Variants in CNP observed in about 807,000 individuals in gnomAD.
CNP encodes the protein 2',3'-cyclic nucleotide 3' phosphodiesterase.
CNP carries 8 observed loss-of-function variants against 37.9 expected under a neutral mutation model. That is an observed-to-expected ratio of 0.21 (90% CI 0.12 to 0.38). CNP has a LOEUF of 0.38. Ranked by LOEUF, CNP falls within the 10% of genes least tolerant of loss-of-function variation. The pLI is 1.00. For missense variants in CNP, 457 were observed against 551.0 expected (o/e 0.83, Z 1.71); for synonymous variants, 237 against 238.3 (o/e 0.99, Z 0.05).
At chr17:41,971,620 GA>G (rs1228373231) in intron 2 of CNP, 1 of 265,060 alleles carries the variant, frequency 3.8e-6, no homozygotes, top group Non-Finnish European at 7.3e-6. Context: ...GGCTGGTCTT[GA>G]ATTCCTGACC....
At position 41,973,378 on chromosome 17, in the gene CNP, T is replaced by A. The variant is rs1219004828; in HGVS notation, c.817-97T>A. ...TCAGCTGTGCTCACTTCTGTTAGAC[T>A]TCCCCTTCTCTCCTCCAGGAGGGAC... On this transcript the variant is annotated intron_variant, in intron 3 of 3. Transcript: ENST00000393892. 4 of 1,172,776 alleles carry A rather than the reference T, an allele frequency of 3.4e-6. No individual in the cohort carries two copies. The Admixed American group carries it at 8.1e-5, about 24-fold the overall frequency. 72.6% of individuals were successfully genotyped at this position (1,172,776 alleles called of 1,614,324 possible). A position where few individuals can be genotyped will look rare whatever the true frequency, so the allele number is the denominator to read the frequency against.
chr17:41,974,285 T>C lies in CNP; in HGVS notation c.*361T>C. 5.8e-6 allele frequency: 1 copy of C among 171,850 alleles called. No individual in the cohort carries two copies. The highest frequency in any genetic ancestry group is 1.2e-5 in the Non-Finnish European group (1 of 81,676). The allele number at this position is 171,850 out of a possible 1,614,324, so 10.6% of individuals were successfully genotyped here. On this transcript the variant is annotated 3_prime_UTR_variant, in exon 4 of 4. Coordinates refer to ENST00000393892, the MANE Select transcript of CNP (RefSeq NM_033133.5). ...GCTGCTCTGCCCAGAGCTGGGTGAGTGGGGAGACACCTCAGAGCCCCGCAA... is the reference window on the plus strand; with the variant it reads ...GCTGCTCTGCCCAGAGCTGGGTGAGCGGGGAGACACCTCAGAGCCCCGCAA...
At position 41,975,256 on chromosome 17, in the gene CNP, C is replaced by T. The variant is rs1250320610; in HGVS notation, c.*1332C>T. The stretch of plus-strand genomic sequence containing the variant: ...GTGTATTAGGACTGGCTTTGTCCCA[C>T]AGCTTGGGGCCATCGGTCCTGTCTC... On this transcript the variant is annotated 3_prime_UTR_variant, in exon 4 of 4. Transcript: ENST00000393892. 2.0e-5 allele frequency: 3 copies of T among 152,720 alleles called. No individual in the cohort carries two copies. The highest frequency in any genetic ancestry group is 4.4e-5 in the Non-Finnish European group (3 of 68,090). 9.5% of individuals were successfully genotyped at this position (152,720 alleles called of 1,614,324 possible).
chr17:41,971,535 T>G, intron 2 of CNP: 1 of 183,982 alleles, frequency 5.4e-6, no homozygotes, highest in Non-Finnish European at 1.1e-5. Flanking sequence ...GTAGCTGGGA[T>G]TACAGGCGCC....
chr17:41,976,871 AAC>A lies in CNP; in HGVS notation c.*2951_*2952del, dbSNP rs2051096063. On this transcript the variant is annotated 3_prime_UTR_variant, in exon 4 of 4. Coordinates refer to ENST00000393892, the MANE Select transcript of CNP (RefSeq NM_033133.5). ...GTCTTCAAGGGCTGCTTCAAACTCA[AAC>A]ACAGAGAGAAACTCTATGGGTATCA... 1.4e-6 allele frequency: 2 copies of A among 1,439,930 alleles called. No homozygotes were observed. The highest frequency in any genetic ancestry group is 1.4e-5 in the African/African-American group (1 of 69,834). The allele number at this position is 1,439,930 out of a possible 1,614,324, so 89.2% of individuals were successfully genotyped here.
chr17:41,969,990 C>T lies in CNP; in HGVS notation c.676+1250C>T, dbSNP rs368656683. ...GAGAGCTTTTTTCTCAGCTCCTAAA[C>T]TTGAACTCTGCAGTGAACTGTGGTG... On this transcript the variant is annotated intron_variant, in intron 2 of 3. Transcript: ENST00000393892. 4.6e-5 allele frequency among the ~76,000 whole-genome samples: 7 copies of T among 152,356 alleles called. No homozygotes were observed. The South Asian group carries it at 8.3e-4, about 18-fold the overall frequency.
rs1279317470 is a variant in CNP, at chr17:41,974,003, CA to C, written c.*80del. On this transcript the variant is annotated 3_prime_UTR_variant, in exon 4 of 4. Transcript: ENST00000393892. Reference sequence around the variant, plus strand: ...CCTCTGTTTGATCCTTGTTTTGTGACATTTTTTTTTTTTTTTTTTTTACTCA... The same window carrying C: ...CCTCTGTTTGATCCTTGTTTTGTGACTTTTTTTTTTTTTTTTTTTTACTCA... The C allele has an allele frequency of 2.5e-4, 192 of 769,732 alleles. No individual in the cohort carries two copies. Among genetic ancestry groups the C allele is most frequent in the Admixed American group, 5.6e-4 (14 of 25,106 alleles). 47.7% of individuals were successfully genotyped at this position (769,732 alleles called of 1,614,324 possible). A position where few individuals can be genotyped will look rare whatever the true frequency, so the allele number is the denominator to read the frequency against.
At chr17:41,967,134 C>T (rs989684811) in intron 1 of CNP, 7 of 393,808 alleles carry the variant, frequency 1.8e-5, no homozygotes, top group Non-Finnish European at 2.6e-5. Context: ...GAAGCTGCTG[C>T]GCCTCTGGGA....
intron 3 of CNP, among the ~76,000 whole-genome samples, chr17:41,972,329 C>T (rs907094532): frequency 2.6e-5 from 4 of 152,100 alleles, no homozygotes; most frequent in African/African-American, 9.7e-5. Context: ...GGCTCCTGCT[C>T]TGGTCTCTCT....
At position 41,968,148 on chromosome 17, in the gene CNP, C is replaced by T; in HGVS notation, c.84C>T (p.Asp28=). Residue 28 remains aspartate (D), a synonymous_variant, in exon 2 of 4, where the codon GAC becomes GAT. Coordinates refer to ENST00000393892, the MANE Select transcript of CNP (RefSeq NM_033133.5). This position sits in a 1 kb window ranked among gnomAD's most constrained non-coding sequence, Gnocchi z 4.8. Reference sequence around the variant, plus strand: ...AGATGTCATCCTCAGGGGCCAAGGACAAGCCTGAGCTGCAGTTTCCCTTCC... The same window carrying T: ...AGATGTCATCCTCAGGGGCCAAGGATAAGCCTGAGCTGCAGTTTCCCTTCC... ...FRKMSSSGAK[D]KPELQFPFLQ... 6.2e-7 allele frequency: 1 copy of T among 1,614,264 alleles called. No homozygotes were observed. The highest frequency in any genetic ancestry group is 1.3e-5 in the African/African-American group (1 of 75,064).
In CNP at chr17:41,968,772, C is replaced by T; in HGVS notation, c.676+32C>T. On this transcript the variant is annotated intron_variant, in intron 2 of 3. Coordinates refer to ENST00000393892, the MANE Select transcript of CNP (RefSeq NM_033133.5). This position sits in a 1 kb window ranked among gnomAD's most constrained non-coding sequence, Gnocchi z 4.8. ...GGCAGGTTGGGGCCTTATAAGCCCACCTTGCTGGGCACAGGGTGCTGCGGG... is the reference window on the plus strand; with the variant it reads ...GGCAGGTTGGGGCCTTATAAGCCCATCTTGCTGGGCACAGGGTGCTGCGGG... 1 of 1,573,938 alleles carries T rather than the reference C, an allele frequency of 6.4e-7. No individual in the cohort carries two copies. The highest frequency in any genetic ancestry group is 8.6e-7 in the Non-Finnish European group (1 of 1,159,224).
At chr17:41,969,180 T>C (rs1363917661) in intron 2 of CNP, among the ~76,000 whole-genome samples, 9 of 152,100 alleles carry the variant, frequency 5.9e-5, no homozygotes, top group African/African-American at 1.9e-4. Context: ...AATAATCACA[T>C]GAAATTGTAA....
intron 3 of CNP, among the ~76,000 whole-genome samples, chr17:41,972,602 CA>C (rs1301781292): frequency 1.3e-5 from 2 of 152,142 alleles, no homozygotes; most frequent in East Asian, 3.9e-4. Context: ...TCCAAGTGTC[CA>C]CCCCCAAGCC....
Position 41,977,236 on chromosome 17 carries a change from TC to T in CNP, c.*3315del. 1 of 1,570,074 alleles carries T rather than the reference TC, an allele frequency of 6.4e-7. No homozygotes were observed. The highest frequency in any genetic ancestry group is 1.9e-5 in the Admixed American group (1 of 53,036). ...GTGTGTTGGCTTGTGATCTGGGAAC[TC>T]CCAAGAACAGCAGGCCCACCTACCT... On this transcript the variant is annotated 3_prime_UTR_variant, in exon 4 of 4. Coordinates refer to ENST00000393892, the MANE Select transcript of CNP (RefSeq NM_033133.5).
chr17:41,968,095 A>G lies in CNP; in HGVS notation c.31A>G (p.Thr11Ala), dbSNP rs782292316. The G allele has an allele frequency of 5.0e-6, 8 of 1,613,832 alleles. No individual in the cohort carries two copies. The East Asian group carries it at 1.8e-4, about 36-fold the overall frequency. ...CAGAGGCTTCTCCCGAAAAAGCCACACATTCCTGCCCAAGATCTTCTTCCG... is the reference window on the plus strand; with the variant it reads ...CAGAGGCTTCTCCCGAAAAAGCCACGCATTCCTGCCCAAGATCTTCTTCCG... The part of the protein sequence containing the change: MNRGFSRKSH[T>A]FLPKIFFRKM... The change falls in exon 2 of 4, where the codon ACA (threonine) becomes GCA (alanine). Residue 11 changes from threonine to alanine, a missense_variant. Transcript: ENST00000393892. This position sits in a 1 kb window ranked among gnomAD's most constrained non-coding sequence, Gnocchi z 4.8.
intron 1 of CNP, 54 bp downstream of exon 1, chr17:41,966,941 G>A (rs1255924029): frequency 7.8e-7 from 1 of 1,286,118 alleles, no homozygotes; most frequent in Non-Finnish European, 9.9e-7. Context: ...GGAAACGAGT[G>A]TCGGGGCCCC....
chr17:41,973,009 G>A (rs1281876773), intron 3 of CNP, among the ~76,000 whole-genome samples: 3 of 152,224 alleles, frequency 2.0e-5, no homozygotes, highest in Non-Finnish European at 2.9e-5. Flanking sequence ...CCTCCAGGGC[G>A]CTGTCTGGGT....
chr17:41,976,823 C>T lies in CNP; in HGVS notation c.*2899C>T, dbSNP rs1199960315. 8 of 1,591,454 alleles carry T rather than the reference C, an allele frequency of 5.0e-6. No individual in the cohort carries two copies. In the African/African-American group the frequency reaches 6.9e-5, roughly 14 times the overall value. On this transcript the variant is annotated 3_prime_UTR_variant, in exon 4 of 4. Transcript: ENST00000393892. ...TGGCTATGGATTTTCTAAGGAAGAT[C>T]ACTTTGCTCTGATTATGGAAAAGTC...
In CNP at chr17:41,973,672, C is replaced by A. The variant is rs200478952; in HGVS notation, c.1014C>A (p.Asp338Glu). Reference protein sequence around the residue: ...RAHITLGCAADVEAVQTGLDL... With the variant: ...RAHITLGCAAEVEAVQTGLDL... ...ACATCACCCTCGGCTGTGCAGCTGACGTAGAGGCCGTGCAGACGGGCCTTG... is the reference window on the plus strand; with the variant it reads ...ACATCACCCTCGGCTGTGCAGCTGAAGTAGAGGCCGTGCAGACGGGCCTTG... Residue 338 changes from aspartate (D) to glutamate (E), a missense_variant, in exon 4 of 4, where the codon GAC (aspartate) becomes GAA (glutamate). Physicochemically the swap from Asp to Glu is conservative, Grantham distance 45. This residue lies in a region of CNP where 291 missense variants were observed against 291.7 expected (regional missense o/e 1.00). Coordinates refer to ENST00000393892, the MANE Select transcript of CNP (RefSeq NM_033133.5). The A allele has an allele frequency of 9.9e-6, 16 of 1,613,796 alleles. No individual in the cohort carries two copies. The highest frequency in any genetic ancestry group is 4.2e-6 in the Non-Finnish European group (5 of 1,179,994).
Sources: allele counts gnomAD v4.1 joint callset (sites outside exome capture counted in the v4.1 genomes callset), GRCh38; gene constraint gnomAD v4.1.1; regional missense constraint gnomAD v4.1.1; non-coding constraint Gnocchi (gnomAD v3.1); transcripts MANE v1.5; gene names NCBI Gene and HGNC (gene_info 2026-07-23, HGNC 2026-07-21).